AP2B1: variants seen among roughly 807,000 people sequenced by gnomAD.
AP2B1 encodes AP-2 complex subunit beta.
In AP2B1, 23 loss-of-function variants were observed where a neutral mutation model predicts 102.0. The ratio of observed to expected loss-of-function variants is 0.23; its 90% CI spans 0.16 to 0.32. The LOEUF is 0.32. Ranked by LOEUF, AP2B1 falls within the 10% of genes least tolerant of loss-of-function variation. The pLI is 1.00. For synonymous variants in AP2B1, 381 were observed against 421.2 expected, an observed-to-expected ratio of 0.90 and a Z score of 1.17; for missense variants, 541 against 1,157.4, an observed-to-expected ratio of 0.47 and a Z score of 7.73.
In AP2B1 at chr17:35,600,243, C is replaced by T. The variant is rs557307535; in HGVS notation, c.143+1908C>T. Reference sequence around the variant, plus strand: ...ATTACAGGCGTGCACCACTACCACCCGGCTAATTTTTGTATTTTTAGTAGA... The same window carrying T: ...ATTACAGGCGTGCACCACTACCACCTGGCTAATTTTTGTATTTTTAGTAGA... On this transcript the variant is annotated intron_variant, in intron 3 of 21. Transcript: ENST00000610402. Among the ~76,000 whole-genome samples the T allele has an allele frequency of 6.4e-4, 97 of 152,012 alleles. 1 individual carries two copies. Among genetic ancestry groups the T allele is most frequent in the African/African-American group, 1.9e-3 (78 of 41,476 alleles).
chr17:35,720,541 TTATTTA>T (rs1289647099), intron 21 of AP2B1, among the ~76,000 whole-genome samples: 12 of 105,262 alleles, frequency 1.1e-4, no homozygotes, highest in African/African-American at 3.4e-4. Flanking sequence ...TATTTTTATT[TTATTTA>T]TATATATATA....
intron 18 of AP2B1, among the ~76,000 whole-genome samples, chr17:35,691,444 T>A (rs1189040109): frequency 1.3e-5 from 2 of 152,232 alleles, no homozygotes; most frequent in African/African-American, 4.8e-5. Context: ...GAAGACCTTT[T>A]CAGCGCTCCC....
chr17:35,625,412 C>A (rs372606657), intron 6 of AP2B1, among the ~76,000 whole-genome samples: 1 of 152,164 alleles, frequency 6.6e-6, no homozygotes, highest in African/African-American at 2.4e-5. Context: ...CTGATAGTTT[C>A]TTTCCATCAC....
At chr17:35,599,418 C>G (rs1210145454) in intron 3 of AP2B1, among the ~76,000 whole-genome samples, 1 of 152,180 alleles carries the variant, frequency 6.6e-6, no homozygotes, top group Non-Finnish European at 1.5e-5. Context: ...ATTTGTATCT[C>G]CCATCATAAG....
intron 14 of AP2B1, among the ~76,000 whole-genome samples, chr17:35,660,537 G>A (rs139393370): frequency 2.8e-5 from 4 of 143,720 alleles, no homozygotes; most frequent in African/African-American, 1.0e-4. Flanking sequence ...AGGCTGGAGT[G>A]CAGTTGTGTG....
intron 18 of AP2B1, among the ~76,000 whole-genome samples, chr17:35,707,654 C>T (rs1257514433): frequency 5.3e-5 from 8 of 151,532 alleles, no homozygotes; most frequent in African/African-American, 1.9e-4. Flanking sequence ...GGTTTCTTCA[C>T]GTTGGCTAGG....
intron 14 of AP2B1, among the ~76,000 whole-genome samples, chr17:35,667,933 A>ATTTT (rs34486349): frequency 3.3e-4 from 40 of 120,176 alleles, no homozygotes; most frequent in African/African-American, 8.5e-4. Context: ...CGCTGCTCAA[A>ATTTT]TTTTTTTTTT....
intron 9 of AP2B1, among the ~76,000 whole-genome samples, chr17:35,631,755 C>A (rs2074468772): frequency 6.6e-6 from 1 of 152,156 alleles, no homozygotes; most frequent in Non-Finnish European, 1.5e-5. Context: ...TAAGGAGTAT[C>A]CTTGCAACTA....
chr17:35,616,284 A>C (rs1198485168), intron 5 of AP2B1, among the ~76,000 whole-genome samples: 1 of 147,564 alleles, frequency 6.8e-6, no homozygotes, highest in Non-Finnish European at 1.5e-5. Flanking sequence ...CATGCCTCAC[A>C]CTTCTGAGTA....
intron 21 of AP2B1, among the ~76,000 whole-genome samples, chr17:35,719,760 C>CTT (rs2085300498): frequency 6.6e-6 from 1 of 152,180 alleles, no homozygotes; most frequent in Non-Finnish European, 1.5e-5. Flanking sequence ...CTTTGGAAGG[C>CTT]TGTAATGGGA....
intron 14 of AP2B1, among the ~76,000 whole-genome samples, chr17:35,668,061 C>T (rs1374291950): frequency 1.3e-5 from 2 of 150,474 alleles, no homozygotes; most frequent in African/African-American, 4.9e-5. Context: ...TATCAGCCTT[C>T]TGAGTAGCTG....
At chr17:35,645,363 C>G (rs1257837265) in intron 12 of AP2B1, among the ~76,000 whole-genome samples, 1 of 152,106 alleles carries the variant, frequency 6.6e-6, no homozygotes, top group Non-Finnish European at 1.5e-5. Flanking sequence ...CTGTTCTTTA[C>G]CTGTGCTGAG....
At chr17:35,645,460 C>T (rs192218168) in intron 12 of AP2B1, among the ~76,000 whole-genome samples, 4 of 152,202 alleles carry the variant, frequency 2.6e-5, no homozygotes, top group Admixed American at 2.6e-4. Flanking sequence ...GGGAAAAACC[C>T]AACCCTTGAA....
At chr17:35,669,271 G>A (rs974101377) in intron 14 of AP2B1, among the ~76,000 whole-genome samples, 1 of 151,864 alleles carries the variant, frequency 6.6e-6, no homozygotes, top group Non-Finnish European at 1.5e-5. Flanking sequence ...AGTCTCCCGA[G>A]TAGCTGGGAT....
chr17:35,707,053 G>A (rs919660952), intron 18 of AP2B1, among the ~76,000 whole-genome samples: 3 of 152,140 alleles, frequency 2.0e-5, no homozygotes, highest in Non-Finnish European at 4.4e-5. Context: ...TACCTGCCAA[G>A]TACCAGATGA....
intron 13 of AP2B1, 112 bp from the exon 14 acceptor site, chr17:35,657,487 C>A: frequency 1.4e-6 from 1 of 716,690 alleles, no homozygotes; most frequent in Non-Finnish European, 2.1e-6. Context: ...GAGTTTTTCC[C>A]CCTTGTATTT....
At chr17:35,698,441 T>C (rs2523116) in intron 18 of AP2B1, among the ~76,000 whole-genome samples, 131,627 of 152,220 alleles carry the variant, frequency 0.86, 57,250 homozygotes, top group East Asian at 0.97. Flanking sequence ...TGACCAGTAG[T>C]TGGGACTGTA....
At chr17:35,720,565 ATATATATATTT>A (rs2085341500) in intron 21 of AP2B1, among the ~76,000 whole-genome samples, 1 of 52,384 alleles carries the variant, frequency 1.9e-5, no homozygotes, top group African/African-American at 7.4e-5. Flanking sequence ...ATATATATAT[ATATATATATTT>A]TTTTTTTTTT....
chr17:35,595,671 T>C (rs188540961), intron 2 of AP2B1, among the ~76,000 whole-genome samples: 95 of 152,298 alleles, frequency 6.2e-4, no homozygotes, highest in South Asian at 1.0e-3. Flanking sequence ...GGAGAAAATA[T>C]AGGAATTTAA....
Sources: gnomAD v4.1 joint callset for allele counts (sites outside exome capture counted in the v4.1 genomes callset) on GRCh38, gnomAD v4.1.1 for gene constraint, MANE v1.5 for transcripts, NCBI Gene and HGNC (gene_info 2026-07-23, HGNC 2026-07-21) for gene names.